NLGN4Y: variants seen among roughly 807,000 people sequenced by gnomAD.
NLGN4Y encodes the protein neuroligin 4 Y-linked, also known as neuroligin-4, Y-linked.
Under a neutral mutation model 8.4 loss-of-function variants are expected in NLGN4Y, and 4 were observed. That is an observed-to-expected ratio of 0.48 (90% CI 0.23 to 1.09). The LOEUF (loss-of-function observed/expected upper bound fraction) is 1.09. NLGN4Y is among the 50% of genes least tolerant of loss of function. The pLI is 0.19. For missense variants in NLGN4Y, 90 were observed against 192.3 expected (o/e 0.47, Z 3.15); for synonymous variants, 35 against 75.6 (o/e 0.46, Z 2.78).
At chrY:14,585,470 C>G in intron 1 of NLGN4Y, among the ~76,000 whole-genome samples, 1 of 32,753 alleles carries the variant, frequency 3.1e-5, no homozygotes, top group African/African-American at 1.2e-4. Context: ...AAAAACAAAA[C>G]AAAACCAAAA....
intron 4 of NLGN4Y, chrY:14,751,893 T>C (rs2081042830): frequency 3.1e-5 from 1 of 32,468 alleles, no homozygotes. Context: ...CTCCTGACCT[T>C]GTGATCCACC....
intron 2 of NLGN4Y, among the ~76,000 whole-genome samples, chrY:14,688,204 G>A (rs2080798614): frequency 6.0e-5 from 2 of 33,136 alleles, no homozygotes; most frequent in South Asian, 6.7e-4. Flanking sequence ...ATAATATATC[G>A]CATAAGGACA....
At chrY:14,803,466 G>A in intron 4 of NLGN4Y, among the ~76,000 whole-genome samples, 1 of 31,643 alleles carries the variant, frequency 3.2e-5, no homozygotes, top group Non-Finnish European at 7.6e-5. Flanking sequence ...AACACAACTT[G>A]CTATTAAAGT....
intron 4 of NLGN4Y, among the ~76,000 whole-genome samples, chrY:14,759,457 C>T (rs750564590): frequency 3.1e-5 from 1 of 32,576 alleles, no homozygotes; most frequent in Admixed American, 2.8e-4. Context: ...CCCGCCACCA[C>T]GCCGGGCTAA....
At chrY:14,639,288 G>A in intron 2 of NLGN4Y, 1 of 199,046 alleles carries the variant, frequency 5.0e-6, no homozygotes, top group South Asian at 3.5e-5. Flanking sequence ...GAAGGCAACT[G>A]TTTTTCTCAA....
intron 2 of NLGN4Y, among the ~76,000 whole-genome samples, chrY:14,623,758 G>A (rs2080518965): frequency 3.0e-5 from 1 of 33,685 alleles, no homozygotes. Context: ...TAAGTAGAGC[G>A]TCATTAAAAA....
chrY:14,625,701 T>C, intron 2 of NLGN4Y, among the ~76,000 whole-genome samples: 1 of 33,585 alleles, frequency 3.0e-5, no homozygotes, highest in Non-Finnish European at 7.3e-5. Context: ...CAATCTCACA[T>C]ACTAAGTTCA....
At chrY:14,803,110 A>T (rs2043043728) in intron 4 of NLGN4Y, among the ~76,000 whole-genome samples, 2 of 23,255 alleles carry the variant, frequency 8.6e-5, no homozygotes, top group African/African-American at 3.4e-4. Context: ...CATAATATAA[A>T]TTTGTATATG....
chrY:14,760,043 G>A (rs2081075710), intron 4 of NLGN4Y, among the ~76,000 whole-genome samples: 1 of 32,994 alleles, frequency 3.0e-5, no homozygotes, highest in Non-Finnish European at 7.4e-5. Flanking sequence ...TCACCTAGCA[G>A]ACTTATTTGT....
chrY:14,645,216 A>C (rs751759477), intron 2 of NLGN4Y, among the ~76,000 whole-genome samples: 13 of 16,645 alleles, frequency 7.8e-4, no homozygotes, highest in African/African-American at 3.5e-3. Context: ...TCTGTTGTCC[A>C]GGCTGGAGGA....
intron 1 of NLGN4Y, among the ~76,000 whole-genome samples, chrY:14,607,814 C>A (rs113260369): frequency 2.9e-5 from 1 of 34,135 alleles, no homozygotes; most frequent in Non-Finnish European, 7.3e-5. Flanking sequence ...TCTTCTACAA[C>A]GGTTGAATTA....
intron 2 of NLGN4Y, among the ~76,000 whole-genome samples, chrY:14,626,856 G>C: frequency 3.1e-5 from 1 of 32,780 alleles, no homozygotes; most frequent in Non-Finnish European, 7.5e-5. Context: ...ATAGAGTGCC[G>C]ATTGCTGCAC....
chrY:14,613,091 A>G, intron 1 of NLGN4Y, among the ~76,000 whole-genome samples: 3 of 32,483 alleles, frequency 9.2e-5, no homozygotes, highest in African/African-American at 3.6e-4. Flanking sequence ...TATTTACACT[A>G]TGAGGGGAAT....
At chrY:14,529,831 ACACATACATGTG>A (rs2080104803) in intron 1 of NLGN4Y, among the ~76,000 whole-genome samples, 1 of 30,686 alleles carries the variant, frequency 3.3e-5, no homozygotes, top group Non-Finnish European at 7.8e-5. Context: ...GCAGGTGTAT[ACACATACATGTG>A]CACATATGCC....
At chrY:14,552,007 A>T in intron 1 of NLGN4Y, among the ~76,000 whole-genome samples, 1 of 33,607 alleles carries the variant, frequency 3.0e-5, no homozygotes, top group Non-Finnish European at 7.4e-5. Context: ...TTTTCTGAAG[A>T]TTAATAAAAT....
At chrY:14,537,747 G>A (rs2080137803) in intron 1 of NLGN4Y, among the ~76,000 whole-genome samples, 16 of 33,086 alleles carry the variant, frequency 4.8e-4, no homozygotes, top group Admixed American at 4.4e-3. Context: ...CAGGTATTCA[G>A]TCAGTGATAC....
At chrY:14,557,009 C>A (rs1056790014) in intron 1 of NLGN4Y, among the ~76,000 whole-genome samples, 2 of 33,598 alleles carry the variant, frequency 6.0e-5, no homozygotes, top group African/African-American at 1.2e-4. Context: ...CGCAGGGAAG[C>A]TAGGCAGTGT....
intron 2 of NLGN4Y, among the ~76,000 whole-genome samples, chrY:14,677,934 A>G: frequency 3.1e-5 from 1 of 31,996 alleles, no homozygotes; most frequent in African/African-American, 1.2e-4. Context: ...TGTATTACAC[A>G]GTATGGTATC....
chrY:14,778,853 T>C, intron 4 of NLGN4Y, among the ~76,000 whole-genome samples: 1 of 33,711 alleles, frequency 3.0e-5, no homozygotes, highest in Non-Finnish European at 7.3e-5. Context: ...CTTTAGTTAT[T>C]TTAAAATACA....
Sources: gnomAD v4.1 joint callset for allele counts (sites outside exome capture counted in the v4.1 genomes callset) on GRCh38, gnomAD v4.1.1 for gene constraint, MANE v1.5 for transcripts, NCBI Gene and HGNC (gene_info 2026-07-23, HGNC 2026-07-21) for gene names.